The following COL25A1 variants were observed in gnomAD, a reference collection of about 807,000 sequenced individuals.
COL25A1 encodes collagen alpha-1(XXV) chain.
Under a neutral mutation model 128.4 loss-of-function variants are expected in COL25A1, and 103 were observed. The ratio of observed to expected loss-of-function variants is 0.80; its 90% CI spans 0.68 to 0.94. The LOEUF is 0.94. Among genes scored for constraint, COL25A1 ranks in the 40% least tolerant of loss-of-function variants. The pLI is 0.00. For missense variants in COL25A1, 745 were observed against 840.0 expected (o/e 0.89, Z 1.40); for synonymous variants, 279 against 277.2 (o/e 1.01, Z -0.06).
chr4:109,124,542 A>AT lies in COL25A1; in HGVS notation c.368-74364dup, dbSNP rs201989368. 7.3e-4 allele frequency among the ~76,000 whole-genome samples: 111 copies of AT among 151,974 alleles called. 1 individual carries two copies. The East Asian group carries it at 0.011, about 16-fold the overall frequency. On this transcript the variant is annotated intron_variant, in intron 3 of 37. Coordinates refer to ENST00000399132, the MANE Select transcript of COL25A1 (RefSeq NM_198721.4). ...AGCTCACAAAGACTGAAGAATTAAA[A>AT]TTTTTTTTCCAGCTTCTAATCTTTC...
intron 3 of COL25A1, among the ~76,000 whole-genome samples, chr4:109,132,585 A>G: frequency 6.6e-6 from 1 of 152,306 alleles, no homozygotes; most frequent in South Asian, 2.1e-4. Flanking sequence ...TAATCATAGA[A>G]TCAATTTAAG....
At chr4:109,301,678 T>C (rs1725548574) in intron 2 of COL25A1, 45 bp downstream of exon 2, 2 of 1,581,014 alleles carry the variant, frequency 1.3e-6, no homozygotes, top group South Asian at 2.3e-5. Context: ...GAGTCACGCT[T>C]GTACAAGATG....
At chr4:108,922,482 A>G (rs1745595061) in intron 11 of COL25A1, among the ~76,000 whole-genome samples, 1 of 152,192 alleles carries the variant, frequency 6.6e-6, no homozygotes, top group Non-Finnish European at 1.5e-5. Context: ...TTGCTCACTA[A>G]AATTGTCTAT....
chr4:109,050,446 T>C (rs1459899198), intron 3 of COL25A1, among the ~76,000 whole-genome samples: 1 of 152,174 alleles, frequency 6.6e-6, no homozygotes, highest in African/African-American at 2.4e-5. Context: ...CATCCTGCTT[T>C]AATATCATCA....
intron 3 of COL25A1, among the ~76,000 whole-genome samples, chr4:109,169,464 C>A (rs1406924861): frequency 6.6e-6 from 1 of 152,132 alleles, no homozygotes; most frequent in South Asian, 2.1e-4. Context: ...TGGCAAAGAC[C>A]ATGTCTTGAT....
intron 3 of COL25A1, among the ~76,000 whole-genome samples, chr4:109,117,666 T>G (rs1178407452): frequency 1.3e-5 from 2 of 152,022 alleles, no homozygotes; most frequent in Non-Finnish European, 2.9e-5. Context: ...ATAGCAACAA[T>G]GTATTCAGTT....
At chr4:109,118,475 ATAAT>A (rs1156631712) in intron 3 of COL25A1, among the ~76,000 whole-genome samples, 2 of 152,008 alleles carry the variant, frequency 1.3e-5, no homozygotes, top group African/African-American at 4.8e-5. Flanking sequence ...ATAAATATAT[ATAAT>A]TATTACTTGT....
intron 3 of COL25A1, among the ~76,000 whole-genome samples, chr4:109,163,635 T>A (rs1315610422): frequency 6.6e-6 from 1 of 152,182 alleles, no homozygotes; most frequent in Non-Finnish European, 1.5e-5. Context: ...TGTTTTCTGA[T>A]GAATGAGGTT....
intron 5 of COL25A1, among the ~76,000 whole-genome samples, chr4:109,013,878 C>A (rs1307394007): frequency 6.6e-6 from 1 of 152,168 alleles, no homozygotes; most frequent in South Asian, 2.1e-4. Context: ...GTCAGTGAGA[C>A]CAAGAGCCCA....
chr4:108,840,389 C>T (rs192829701), intron 31 of COL25A1, among the ~76,000 whole-genome samples: 1 of 152,168 alleles, frequency 6.6e-6, no homozygotes, highest in Non-Finnish European at 1.5e-5. Context: ...AGATAGTACT[C>T]TTACCCCAAA....
chr4:109,024,716 A>AT (rs1758088209), intron 5 of COL25A1, among the ~76,000 whole-genome samples: 1 of 152,152 alleles, frequency 6.6e-6, no homozygotes, highest in South Asian at 2.1e-4. Context: ...TAAGTTGTTA[A>AT]TTTTTTTCCA....
chr4:109,149,118 G>A (rs899052298), intron 3 of COL25A1, among the ~76,000 whole-genome samples: 2 of 152,218 alleles, frequency 1.3e-5, no homozygotes, highest in Admixed American at 6.5e-5. Context: ...ATTATGAGCT[G>A]TATGTTGATT....
intron 3 of COL25A1, among the ~76,000 whole-genome samples, chr4:109,109,945 A>T (rs1223755575): frequency 1.3e-5 from 2 of 152,114 alleles, no homozygotes; most frequent in Non-Finnish European, 2.9e-5. Flanking sequence ...ACTTCCTTTA[A>T]ATCCCTCATT....
At chr4:109,088,455 G>A (rs1257047839) in intron 3 of COL25A1, among the ~76,000 whole-genome samples, 1 of 152,044 alleles carries the variant, frequency 6.6e-6, no homozygotes, top group Admixed American at 6.6e-5. Context: ...AATTTATGGG[G>A]TGACATTATA....
intron 35 of COL25A1, chr4:108,819,764 G>T: frequency 9.9e-7 from 1 of 1,010,912 alleles, no homozygotes; most frequent in South Asian, 5.0e-5. Context: ...TCTCCCATCT[G>T]ATCCCCTCAC....
chr4:109,302,096 C>T, intron 1 of COL25A1, 21 bp from the exon 2 acceptor site: 2 of 1,470,678 alleles, frequency 1.4e-6, no homozygotes, highest in Non-Finnish European at 1.8e-6. Flanking sequence ...AGAAAAAGGT[C>T]GATTCCTCCA....
intron 3 of COL25A1, among the ~76,000 whole-genome samples, chr4:109,139,513 G>T (rs1210527969): frequency 3.3e-5 from 5 of 152,098 alleles, no homozygotes; most frequent in Non-Finnish European, 7.4e-5. Flanking sequence ...GTGTAAGGAA[G>T]AAGTCCAGCT....
chr4:109,163,431 A>G (rs1772770450), intron 3 of COL25A1, among the ~76,000 whole-genome samples: 1 of 152,182 alleles, frequency 6.6e-6, no homozygotes, highest in African/African-American at 2.4e-5. Flanking sequence ...CTATATGACT[A>G]GAGAATATGC....
At chr4:109,081,448 G>A (rs188525786) in intron 3 of COL25A1, among the ~76,000 whole-genome samples, 7 of 151,962 alleles carry the variant, frequency 4.6e-5, no homozygotes, top group African/African-American at 7.2e-5. Flanking sequence ...CTATTTTTTC[G>A]GAAACTGATA....
Sources: gnomAD v4.1 joint callset for allele counts (sites outside exome capture counted in the v4.1 genomes callset) on GRCh38, gnomAD v4.1.1 for gene constraint, MANE v1.5 for transcripts, NCBI Gene and HGNC (gene_info 2026-07-23, HGNC 2026-07-21) for gene names.